Variants in TTYH1 observed in about 807,000 individuals in gnomAD.
TTYH1 encodes tweety family member 1.
Under a neutral mutation model 61.2 loss-of-function variants are expected in TTYH1, and 33 were observed. The ratio of observed to expected loss-of-function variants is 0.54; its 90% confidence interval spans 0.41 to 0.72. The LOEUF is 0.72. Among genes scored for constraint, TTYH1 ranks in the 30% least tolerant of loss-of-function variants. The pLI, the probability that TTYH1 is intolerant of heterozygous loss-of-function variation, is 0.00. For missense variants in TTYH1, 538 were observed against 575.8 expected, an observed-to-expected ratio of 0.93 and a Z score of 0.67; for synonymous variants, 308 against 266.4, an observed-to-expected ratio of 1.16 and a Z score of -1.52.
chr19:54,435,368 C>A (rs2083522123), intron 10 of TTYH1, among the ~76,000 whole-genome samples, 174 bp from the exon 11 acceptor site: 1 of 152,130 alleles, frequency 6.6e-6, no homozygotes. Context: ...ACCAAAGACC[C>A]CACTGTACCC....
rs778169809 is a variant in TTYH1 at position 54,419,517 on chromosome 19, G to A, written c.305+211G>A. On this transcript the variant is annotated intron_variant, in intron 2 of 13. Coordinates refer to ENST00000376530, the MANE Select transcript of TTYH1 (RefSeq NM_020659.4). This position sits in a 1 kb window ranked among gnomAD's most constrained non-coding sequence, Gnocchi z 6.1. The stretch of plus-strand genomic sequence containing the variant: ...GATGGAGAAAGTGAGGCTCTGGAGA[G>A]GAAGTGAATCAAGGGCAGCCATCTG... 38 of 720,736 alleles carry A rather than the reference G, an allele frequency of 5.3e-5. No homozygotes were observed. Among genetic ancestry groups the A allele is most frequent in the Non-Finnish European group, 8.9e-5 (36 of 402,902 alleles). 44.6% of individuals were successfully genotyped at this position (720,736 alleles called of 1,614,324 possible). A position where few individuals can be genotyped will look rare whatever the true frequency, so the allele number is the denominator to read the frequency against.
At chr19:54,422,441 C>CG in intron 4 of TTYH1, 31 bp downstream of exon 4, 1 of 1,480,262 alleles carries the variant, frequency 6.8e-7, no homozygotes, top group African/African-American at 1.4e-5. Flanking sequence ...CTCTCTGTGC[C>CG]GGCAGCTCTC....
Position 54,416,872 on chromosome 19 carries a change from G to T in TTYH1, c.126+1194G>T. The T allele has an allele frequency of 7.7e-7, 1 of 1,291,260 alleles. No individual in the cohort carries two copies. 80.0% of individuals were successfully genotyped at this position (1,291,260 alleles called of 1,614,324 possible). A position where few individuals can be genotyped will look rare whatever the true frequency, so the allele number is the denominator to read the frequency against. On this transcript the variant is annotated intron_variant, in intron 1 of 13. Coordinates refer to ENST00000376530, the MANE Select transcript of TTYH1 (RefSeq NM_020659.4). The surrounding 1 kb of genome is among the most constrained non-coding windows in gnomAD (Gnocchi z 7.0). ...CCCAGACTCACGCCCGCTCTGGCCC[G>T]GAGACCTCCCGAAGCCGCACGCGGG...
chr19:54,427,431 C>A (rs1365068186), intron 5 of TTYH1, among the ~76,000 whole-genome samples: 1 of 150,164 alleles, frequency 6.7e-6, no homozygotes, highest in Non-Finnish European at 1.5e-5. Flanking sequence ...CGGTGAAACC[C>A]CATCTCTACT....
rs2083418035 is a variant in TTYH1, at chr19:54,430,622, G to A, written c.939+17G>A. 1 of 1,613,622 alleles carries A rather than the reference G, an allele frequency of 6.2e-7. No individual in the cohort carries two copies. The highest frequency in any genetic ancestry group is 8.5e-7 in the Non-Finnish European group (1 of 1,179,668). Reference sequence around the variant, plus strand: ...TTCCAACAGGTTAGGGCTGCGGGCAGGGGAAACGGGTGTTGAGGGAGCCAG... The same window carrying A: ...TTCCAACAGGTTAGGGCTGCGGGCAAGGGAAACGGGTGTTGAGGGAGCCAG... On this transcript the variant is annotated intron_variant, in intron 8 of 13. Coordinates refer to ENST00000376530, the MANE Select transcript of TTYH1 (RefSeq NM_020659.4).
chr19:54,435,451 A>C, intron 10 of TTYH1, 91 bp from the exon 11 acceptor site: 1 of 1,475,814 alleles, frequency 6.8e-7, no homozygotes, highest in South Asian at 1.3e-5. Flanking sequence ...GTGCAGTACC[A>C]CAGCCGGGAG....
intron 4 of TTYH1, among the ~76,000 whole-genome samples, chr19:54,425,723 T>C (rs1011913918): frequency 6.6e-6 from 1 of 151,676 alleles, no homozygotes; most frequent in Non-Finnish European, 1.5e-5. Context: ...TTTTTTTTTT[T>C]TTCATTTTTG....
chr19:54,420,458 C>T lies in TTYH1; in HGVS notation c.306-819C>T, dbSNP rs945001175. On this transcript the variant is annotated intron_variant, in intron 2 of 13. Transcript: ENST00000376530. This position sits in a 1 kb window ranked among gnomAD's most constrained non-coding sequence, Gnocchi z 4.8. ...TGAACAATGGGGCGGGGACACTGGG[C>T]GTCCGACCCGAGGGATGGGGGTGGA... is the stretch of plus-strand genomic sequence containing the variant. Among the ~76,000 whole-genome samples the T allele has an allele frequency of 1.3e-5, 2 of 151,810 alleles. No homozygotes were observed. Among genetic ancestry groups the T allele is most frequent in the Non-Finnish European group, 2.9e-5 (2 of 67,902 alleles).
At chr19:54,427,787 G>A (rs1431159443) in intron 5 of TTYH1, among the ~76,000 whole-genome samples, 1 of 152,148 alleles carries the variant, frequency 6.6e-6, no homozygotes, top group African/African-American at 2.4e-5. Context: ...GTCCTTAAGT[G>A]TCGTGGCAAA....
At position 54,421,650 on chromosome 19, in the gene TTYH1, G is replaced by A. The variant is rs1178694510; in HGVS notation, c.417+262G>A. ...AGCCACACAGAAACCAAGCACCAGC[G>A]ACACCAGCCCCTGTCCACGGGCCAG... On this transcript the variant is annotated intron_variant, in intron 3 of 13. Transcript: ENST00000376530. The surrounding 1 kb of genome is among the most constrained non-coding windows in gnomAD (Gnocchi z 4.8). 6.6e-6 allele frequency among the ~76,000 whole-genome samples: 1 copy of A among 151,688 alleles called. No individual in the cohort carries two copies. Among genetic ancestry groups the A allele is most frequent in the Non-Finnish European group, 1.5e-5 (1 of 67,942 alleles).
chr19:54,426,421 C>T (rs771775126), intron 4 of TTYH1: 15 of 554,874 alleles, frequency 2.7e-5, no homozygotes, highest in South Asian at 4.8e-5. Flanking sequence ...GTGTGTGGCC[C>T]GGCCAGGGGA....
Position 54,429,833 on chromosome 19 carries a change from G to A in TTYH1, c.808-49G>A. 1 of 1,547,930 alleles carries A rather than the reference G, an allele frequency of 6.5e-7. No individual in the cohort carries two copies. Among genetic ancestry groups the A allele is most frequent in the Non-Finnish European group, 8.9e-7 (1 of 1,122,552 alleles). ...AGGCACTGGGTGCTGTGGGAGTGTG[G>A]AATCGGGGCAGTTTTGGGTTTGAGC... On this transcript the variant is annotated intron_variant, in intron 6 of 13. Transcript: ENST00000376530. The surrounding 1 kb of genome is among the most constrained non-coding windows in gnomAD (Gnocchi z 5.1).
In TTYH1 at chr19:54,416,894, C is replaced by T. The variant is rs1019185620; in HGVS notation, c.126+1216C>T. 1.6e-6 allele frequency: 2 copies of T among 1,287,414 alleles called. No homozygotes were observed. The highest frequency in any genetic ancestry group is 1.0e-6 in the Non-Finnish European group (1 of 986,160). The allele number at this position is 1,287,414 out of a possible 1,614,324, so 79.7% of individuals were successfully genotyped here. On this transcript the variant is annotated intron_variant, in intron 1 of 13. Transcript: ENST00000376530. The surrounding 1 kb of genome is among the most constrained non-coding windows in gnomAD (Gnocchi z 7.0). ...CCCGGAGACCTCCCGAAGCCGCACGCGGGGATCCGCGGCCCCAGTCACCGC... is the reference window on the plus strand; with the variant it reads ...CCCGGAGACCTCCCGAAGCCGCACGTGGGGATCCGCGGCCCCAGTCACCGC...
In TTYH1 at chr19:54,424,729, C is replaced by T. The variant is rs994789456; in HGVS notation, c.639-1944C>T. ...CTTGGGAGTCCCTCGACAGACAAATCAGGGGCCTCCAAGGGAGTCTTGCTG... is the reference window on the plus strand; with the variant it reads ...CTTGGGAGTCCCTCGACAGACAAATTAGGGGCCTCCAAGGGAGTCTTGCTG... On this transcript the variant is annotated intron_variant, in intron 4 of 13. Coordinates refer to ENST00000376530, the MANE Select transcript of TTYH1 (RefSeq NM_020659.4). 3.9e-5 allele frequency among the ~76,000 whole-genome samples: 6 copies of T among 152,200 alleles called. No homozygotes were observed. The East Asian group carries it at 9.6e-4, about 24-fold the overall frequency.
At chr19:54,426,373 G>A in intron 4 of TTYH1, 1 of 425,462 alleles carries the variant, frequency 2.4e-6, no homozygotes, top group Non-Finnish European at 4.3e-6. Context: ...GGGGAGCTCG[G>A]AGAGAACACA....
At chr19:54,423,236 C>T (rs1306916673) in intron 4 of TTYH1, among the ~76,000 whole-genome samples, 3 of 147,508 alleles carry the variant, frequency 2.0e-5, no homozygotes, top group Non-Finnish European at 4.5e-5. Flanking sequence ...CTCACTCTGT[C>T]GCCCAGGCTA....
Position 54,421,419 on chromosome 19 carries a change from AC to A in TTYH1, c.417+34del. 2 of 1,448,740 alleles carry A rather than the reference AC, an allele frequency of 1.4e-6. No individual in the cohort carries two copies. The highest frequency in any genetic ancestry group is 1.9e-6 in the Non-Finnish European group (2 of 1,029,346). 89.7% of individuals were successfully genotyped at this position (1,448,740 alleles called of 1,614,324 possible). ...GGGCCAGCAACCAGTGGGACCCCAG[AC>A]CCACACCTGGACGGGCTCCCCACAC... On this transcript the variant is annotated intron_variant, in intron 3 of 13. Coordinates refer to ENST00000376530, the MANE Select transcript of TTYH1 (RefSeq NM_020659.4). This position sits in a 1 kb window ranked among gnomAD's most constrained non-coding sequence, Gnocchi z 4.8.
rs927503100 is a variant in TTYH1, at chr19:54,420,513, T to C, written c.306-764T>C. 6.7e-6 allele frequency among the ~76,000 whole-genome samples: 1 copy of C among 150,172 alleles called. No homozygotes were observed. Among genetic ancestry groups the C allele is most frequent in the African/African-American group, 2.5e-5 (1 of 40,576 alleles). ...CAGCCGGGGCTGGGAACCGGGAGGG[T>C]GTCAGGCTCCCGCCCCCTCCACTGC... is the stretch of plus-strand genomic sequence containing the variant. On this transcript the variant is annotated intron_variant, in intron 2 of 13. Transcript: ENST00000376530. This position sits in a 1 kb window ranked among gnomAD's most constrained non-coding sequence, Gnocchi z 4.8.
At chr19:54,427,818 T>A (rs971254280) in intron 5 of TTYH1, among the ~76,000 whole-genome samples, 1 of 152,148 alleles carries the variant, frequency 6.6e-6, no homozygotes, top group Admixed American at 6.6e-5. Flanking sequence ...CACACTGATT[T>A]CACAGCTCGC....
Sources: gnomAD v4.1 joint callset for allele counts (sites outside exome capture counted in the v4.1 genomes callset) on GRCh38, gnomAD v4.1.1 for gene constraint, Gnocchi (gnomAD v3.1) non-coding constraint, MANE v1.5 for transcripts, NCBI Gene and HGNC (gene_info 2026-07-23, HGNC 2026-07-21) for gene names.